SIPA1L3: variants seen among roughly 807,000 people sequenced by gnomAD.
SIPA1L3 encodes signal-induced proliferation-associated 1-like protein 3.
Under a neutral mutation model 150.1 loss-of-function variants are expected in SIPA1L3, and 59 were observed. The ratio of observed to expected loss-of-function variants is 0.39; its 90% CI spans 0.32 to 0.49. The LOEUF is 0.49. SIPA1L3 is among the 20% of genes least tolerant of loss of function. The pLI is 0.86. For synonymous variants in SIPA1L3, 1,070 were observed against 1,077.6 expected (o/e 0.99, Z 0.14); for missense variants, 2,211 against 2,489.5 (o/e 0.89, Z 2.38).
intron 1 of SIPA1L3, among the ~76,000 whole-genome samples, chr19:37,923,994 C>T (rs922466410): frequency 2.6e-5 from 4 of 152,030 alleles, no homozygotes; most frequent in Admixed American, 2.6e-4. Flanking sequence ...AGGCTGGTCT[C>T]GAACTCCTAC....
intron 13 of SIPA1L3, among the ~76,000 whole-genome samples, chr19:38,157,411 G>A (rs995308485): frequency 6.6e-6 from 1 of 152,182 alleles, no homozygotes; most frequent in Non-Finnish European, 1.5e-5. Flanking sequence ...GTTGTCACTT[G>A]TCCCAGGTCA....
Position 38,088,851 on chromosome 19 carries a change from G to C in SIPA1L3, c.1665G>C (p.Glu555Asp). ...YQYRIIFRTR[E>D]LITLRGSILE... ...ACAGGATCATCTTCCGGACCCGCGA[G>C]GTAGGTCCCATCACTCTCGTTCTTA... is the stretch of plus-strand genomic sequence containing the variant. Residue 555 changes from glutamate (E) to aspartate (D), a missense_variant and splice_region_variant, in exon 4 of 22, where the codon GAG (glutamate) becomes GAC (aspartate). Physicochemically the swap from Glu to Asp is conservative, Grantham distance 45. Around this residue, in one of 5 missense-constraint regions of SIPA1L3, gnomAD observed 625 missense variants for 804.2 expected, o/e 0.78. Transcript: ENST00000222345. 1 of 1,613,706 alleles carries C rather than the reference G, an allele frequency of 6.2e-7. No individual in the cohort carries two copies. Among genetic ancestry groups the C allele is most frequent in the Non-Finnish European group, 8.5e-7 (1 of 1,179,726 alleles).
rs142597261 is a variant in SIPA1L3 at position 38,119,330 on chromosome 19, C to T, written c.2316C>T (p.Asp772=). ...GTATGGCTGTGACCCGATCCAAAGACGCTCCTCCTTTCGGCCCCCCCATCC... is the reference window on the plus strand; with the variant it reads ...GTATGGCTGTGACCCGATCCAAAGATGCTCCTCCTTTCGGCCCCCCCATCC... ...CYSMAVTRSK[D]APPFGPPIPS... Residue 772 remains aspartate (D), a synonymous_variant, in exon 9 of 22, where the codon GAC becomes GAT. Coordinates refer to ENST00000222345, the MANE Select transcript of SIPA1L3 (RefSeq NM_015073.3). The T allele has an allele frequency of 1.1e-3, 1,822 of 1,613,888 alleles. 2 individuals are homozygous for T. Among genetic ancestry groups the T allele is most frequent in the Middle Eastern group, 1.7e-3 (10 of 6,056 alleles).
intron 1 of SIPA1L3, among the ~76,000 whole-genome samples, chr19:37,976,010 C>A (rs1354116790): frequency 6.6e-6 from 1 of 151,664 alleles, no homozygotes; most frequent in East Asian, 1.9e-4. Context: ...GAGGCTGAGG[C>A]ACGAGAATCA....
chr19:38,169,117 A>C lies in SIPA1L3; in HGVS notation c.4208+4211A>C, dbSNP rs181424867. Among the ~76,000 whole-genome samples the C allele has an allele frequency of 8.5e-4, 129 of 152,330 alleles. 3 individuals are homozygous for C. The East Asian group carries it at 0.019, about 22-fold the overall frequency. ...AAAAAAACATATCCAGGCCCGGCGC[A>C]GTGGCTCACGCCTGTAATCCCAACA... On this transcript the variant is annotated intron_variant, in intron 15 of 21. Transcript: ENST00000222345.
intron 1 of SIPA1L3, among the ~76,000 whole-genome samples, chr19:37,968,094 A>G (rs1411674495): frequency 1.2e-5 from 1 of 83,352 alleles, no homozygotes; most frequent in East Asian, 1.5e-3. Flanking sequence ...TCTTTTTTTG[A>G]GACAGTGTCT....
chr19:38,207,076 C>A lies in SIPA1L3; in HGVS notation c.*836C>A, dbSNP rs1973234156. ...CCAGGCCGGGGCGGTGGAGCCACCA[C>A]ACAGCCGACTCTCTCCTCCTCCTCC... On this transcript the variant is annotated 3_prime_UTR_variant, in exon 22 of 22. Coordinates refer to ENST00000222345, the MANE Select transcript of SIPA1L3 (RefSeq NM_015073.3). The A allele has an allele frequency of 6.6e-6, 1 of 152,244 alleles. No homozygotes were observed. Among genetic ancestry groups the A allele is most frequent in the African/African-American group, 2.4e-5 (1 of 41,444 alleles). The allele number at this position is 152,244 out of a possible 1,614,324, so 9.4% of individuals were successfully genotyped here.
At chr19:37,908,110 T>C (rs574865907) in intron 1 of SIPA1L3, 1 of 152,340 alleles carries the variant, frequency 6.6e-6, no homozygotes, top group South Asian at 2.1e-4. Flanking sequence ...AGCTGGCATA[T>C]AACGCTCAGT....
At chr19:38,111,763 CT>C (rs1013581124) in intron 8 of SIPA1L3, among the ~76,000 whole-genome samples, 3 of 152,252 alleles carry the variant, frequency 2.0e-5, no homozygotes, top group African/African-American at 7.2e-5. Flanking sequence ...ACCTCTCCCC[CT>C]GCCCATCGGT....
At chr19:38,178,798 C>A (rs1205165012) in intron 15 of SIPA1L3, among the ~76,000 whole-genome samples, 1 of 152,178 alleles carries the variant, frequency 6.6e-6, no homozygotes, top group East Asian at 1.9e-4. Context: ...AAGCTGAAGC[C>A]AGTCATCCTT....
chr19:38,064,898 G>C (rs1261421296), intron 2 of SIPA1L3, among the ~76,000 whole-genome samples: 2 of 152,208 alleles, frequency 1.3e-5, no homozygotes, highest in Admixed American at 1.3e-4. Context: ...AAGTGATGGA[G>C]CTGGGAATTG....
rs747084894 is a variant in SIPA1L3, at chr19:38,192,218, C to T, written c.4504C>T (p.Pro1502Ser). Residue 1502 changes from proline to serine, a missense_variant, in exon 17 of 22, where the codon CCA becomes TCA. Physicochemically the swap from Pro to Ser is moderately conservative, Grantham distance 74 (BLOSUM62 -1). This residue lies in a region of SIPA1L3 where 806 missense variants were observed against 870.1 expected (regional missense o/e 0.93). Transcript: ENST00000222345. ...GGCATCCCTCCGAGACCTCCGGTCA[C>T]CACGGAAGAACTACAAATCCACCAT... ...LRASLRDLRS[P>S]RKNYKSTIED... 6.2e-7 allele frequency: 1 copy of T among 1,613,786 alleles called. No individual in the cohort carries two copies. The highest frequency in any genetic ancestry group is 8.5e-7 in the Non-Finnish European group (1 of 1,179,852).
chr19:37,949,786 A>G (rs1599831347), intron 1 of SIPA1L3, among the ~76,000 whole-genome samples: 1 of 152,124 alleles, frequency 6.6e-6, no homozygotes, highest in African/African-American at 2.4e-5. Flanking sequence ...GGTTAAGAAC[A>G]TGGCCACATT....
At chr19:38,056,316 G>A (rs1969313928) in intron 2 of SIPA1L3, among the ~76,000 whole-genome samples, 1 of 152,212 alleles carries the variant, frequency 6.6e-6, no homozygotes, top group Non-Finnish European at 1.5e-5. Context: ...CAGCCAGTCG[G>A]GCCACTGCCC....
At chr19:38,113,993 A>G (rs988571372) in intron 8 of SIPA1L3, among the ~76,000 whole-genome samples, 1 of 152,118 alleles carries the variant, frequency 6.6e-6, no homozygotes, top group Non-Finnish European at 1.5e-5. Context: ...CCTGCTGGGA[A>G]GTAAGGGACC....
At chr19:38,059,461 G>A (rs1295544985) in intron 2 of SIPA1L3, among the ~76,000 whole-genome samples, 3 of 151,914 alleles carry the variant, frequency 2.0e-5, no homozygotes, top group Admixed American at 6.6e-5. Context: ...CTGCCACCAC[G>A]CCTAGCTAAT....
intron 13 of SIPA1L3, among the ~76,000 whole-genome samples, chr19:38,157,814 G>T (rs182125831): frequency 6.6e-6 from 1 of 152,296 alleles, no homozygotes; most frequent in East Asian, 1.9e-4. Context: ...ATGCCACCAG[G>T]CTGGGCGCCA....
intron 2 of SIPA1L3, among the ~76,000 whole-genome samples, chr19:38,074,757 TTTG>T (rs758668536): frequency 1.4e-4 from 21 of 152,164 alleles, no homozygotes; most frequent in Admixed American, 3.9e-4. Context: ...TATGTGGTGT[TTTG>T]TTGTTGTTGT....
chr19:38,041,331 T>G (rs1267528616), intron 2 of SIPA1L3, among the ~76,000 whole-genome samples: 1 of 134,186 alleles, frequency 7.5e-6, no homozygotes, highest in Non-Finnish European at 1.5e-5. Context: ...TAGGCTGGAG[T>G]GCTATGTCAT....
Sources: gnomAD v4.1 joint callset for allele counts (sites outside exome capture counted in the v4.1 genomes callset) on GRCh38, gnomAD v4.1.1 for gene constraint, gnomAD v4.1.1 regional missense constraint, MANE v1.5 for transcripts, NCBI Gene and HGNC (gene_info 2026-07-23, HGNC 2026-07-21) for gene names.